ACAN: variants seen among roughly 807,000 people sequenced by gnomAD.
The protein encoded by ACAN is aggrecan, also known as aggrecan core protein.
In ACAN, 47 loss-of-function variants were observed where a neutral mutation model predicts 169.1. The ratio of observed to expected loss-of-function variants is 0.28; its 90% confidence interval spans 0.22 to 0.35. The LOEUF is 0.35. Among genes scored for constraint, ACAN ranks in the 10% least tolerant of loss-of-function variants. The pLI is 1.00. For synonymous variants in ACAN, 1,115 were observed against 1,112.2 expected, an observed-to-expected ratio of 1.00 and a Z score of -0.05; for missense variants, 2,716 against 2,759.9, an observed-to-expected ratio of 0.98 and a Z score of 0.36.
intron 1 of ACAN, among the ~76,000 whole-genome samples, chr15:88,826,802 T>A (rs1179162945): frequency 3.3e-5 from 5 of 152,190 alleles, no homozygotes; most frequent in African/African-American, 1.2e-4. Context: ...ATTTGTTACC[T>A]AGTATGTTGT....
intron 1 of ACAN, among the ~76,000 whole-genome samples, chr15:88,831,160 A>G (rs933192999): frequency 2.6e-5 from 4 of 152,242 alleles, no homozygotes; most frequent in South Asian, 2.1e-4. Context: ...AAAGAGATGC[A>G]TAAAATGGAC....
chr15:88,836,472 C>T (rs1021809746), intron 2 of ACAN, among the ~76,000 whole-genome samples, 196 bp downstream of exon 2: 1 of 152,222 alleles, frequency 6.6e-6, no homozygotes, highest in Non-Finnish European at 1.5e-5. Context: ...CACACTCTTG[C>T]AGGAGCCTTG....
intron 9 of ACAN, among the ~76,000 whole-genome samples, chr15:88,848,926 A>G (rs57788192): frequency 0.027 from 4,146 of 152,296 alleles, 196 homozygotes; most frequent in African/African-American, 0.095. Context: ...TCCTCCCCCT[A>G]AACCGGATAG....
Position 88,868,228 on chromosome 15 carries a change from G to A in ACAN, c.6959G>A (p.Cys2320Tyr), listed in dbSNP as rs1040062027. ...TGGTTTCTTGCAGACATTGATGAGT[G>A]CCTCTCAAGCCCTTGTCTGAATGGA... is the stretch of plus-strand genomic sequence containing the variant. ...GEHCNIDIDECLSSPCLNGAT... is the reference protein window; with the variant it reads ...GEHCNIDIDEYLSSPCLNGAT... Residue 2320 changes from cysteine (C) to tyrosine (Y), a missense_variant, in exon 14 of 19, where the codon TGC becomes TAC. Cys to Tyr is a radical substitution (Grantham distance 194). Around this residue, in one of 3 missense-constraint regions of ACAN, gnomAD observed 1,389 missense variants for 1,363.7 expected, o/e 1.02. Coordinates refer to ENST00000560601, the MANE Select transcript of ACAN (RefSeq NM_001369268.1). The surrounding 1 kb of genome is among the most constrained non-coding windows in gnomAD (Gnocchi z 5.2). 2.7e-5 allele frequency: 19 copies of A among 702,526 alleles called. No individual in the cohort carries two copies. Among genetic ancestry groups the A allele is most frequent in the Non-Finnish European group, 4.4e-5 (17 of 384,792 alleles). 43.5% of individuals were successfully genotyped at this position (702,526 alleles called of 1,614,324 possible). A position where few individuals can be genotyped will look rare whatever the true frequency, so the allele number is the denominator to read the frequency against.
Position 88,873,325 on chromosome 15 carries a change from G to T in ACAN, c.7447+300G>T, listed in dbSNP as rs1897427382. 6.6e-6 allele frequency among the ~76,000 whole-genome samples: 1 copy of T among 152,224 alleles called. No individual in the cohort carries two copies. Among genetic ancestry groups the T allele is most frequent in the African/African-American group, 2.4e-5 (1 of 41,460 alleles). On this transcript the variant is annotated intron_variant, in intron 17 of 18. Transcript: ENST00000560601. The surrounding 1 kb of genome is among the most constrained non-coding windows in gnomAD (Gnocchi z 7.5). ...ACTCCACACAGTCCCTTGGATAGCA[G>T]CAGCAGAGTTACCCACAAGGGCCCC...
chr15:88,839,880 G>C lies in ACAN; in HGVS notation c.455-132G>C. 9.6e-7 allele frequency: 1 copy of C among 1,038,630 alleles called. No homozygotes were observed. The highest frequency in any genetic ancestry group is 1.4e-6 in the Non-Finnish European group (1 of 713,500). 64.3% of individuals were successfully genotyped at this position (1,038,630 alleles called of 1,614,324 possible). On this transcript the variant is annotated intron_variant, in intron 3 of 18. Transcript: ENST00000560601. This position sits in a 1 kb window ranked among gnomAD's most constrained non-coding sequence, Gnocchi z 4.5. ...GATCACGTGCAAAGGTGTACAGGGA[G>C]TCATGCATCAGCCCAGACCAGCCAG...
intron 1 of ACAN, among the ~76,000 whole-genome samples, chr15:88,828,183 G>A (rs1473665996): frequency 2.0e-5 from 3 of 152,168 alleles, no homozygotes; most frequent in African/African-American, 7.2e-5. Context: ...GTGGGAATAG[G>A]TCAGACATAG....
In ACAN at chr15:88,868,430, C is replaced by A; in HGVS notation, c.7060+101C>A. Reference sequence around the variant, plus strand: ...AACAGGCTCCAGGCCCTGGCTGGGGCCCCCGAGGTTCATCTGGAGAGCCAT... The same window carrying A: ...AACAGGCTCCAGGCCCTGGCTGGGGACCCCGAGGTTCATCTGGAGAGCCAT... On this transcript the variant is annotated intron_variant, in intron 14 of 18. Coordinates refer to ENST00000560601, the MANE Select transcript of ACAN (RefSeq NM_001369268.1). This position sits in a 1 kb window ranked among gnomAD's most constrained non-coding sequence, Gnocchi z 5.2. The A allele has an allele frequency of 3.4e-6, 2 of 591,240 alleles. No individual in the cohort carries two copies. The highest frequency in any genetic ancestry group is 6.0e-6 in the Non-Finnish European group (2 of 330,754). 36.6% of individuals were successfully genotyped at this position (591,240 alleles called of 1,614,324 possible).
At position 88,849,841 on chromosome 15, in the gene ACAN, G is replaced by A. The variant is rs1896893032; in HGVS notation, c.2026+110G>A. 1.4e-6 allele frequency: 2 copies of A among 1,453,906 alleles called. No individual in the cohort carries two copies. The highest frequency in any genetic ancestry group is 2.4e-5 in the South Asian group (2 of 82,364). The allele number at this position is 1,453,906 out of a possible 1,614,324, so 90.1% of individuals were successfully genotyped here. A position where few individuals can be genotyped will look rare whatever the true frequency, so the allele number is the denominator to read the frequency against. ...ATCCCATCCATCAGAGCAAGAAAAT[G>A]TCAGTCCCTCTGGGGCAGAGCCAGC... On this transcript the variant is annotated intron_variant, in intron 10 of 18. Coordinates refer to ENST00000560601, the MANE Select transcript of ACAN (RefSeq NM_001369268.1). This position sits in a 1 kb window ranked among gnomAD's most constrained non-coding sequence, Gnocchi z 5.1.
At chr15:88,838,000 C>T (rs935709563) in intron 2 of ACAN, among the ~76,000 whole-genome samples, 2 of 150,358 alleles carry the variant, frequency 1.3e-5, no homozygotes, top group African/African-American at 4.9e-5. Flanking sequence ...TCTATTGACA[C>T]TCTCCATTAT....
intron 1 of ACAN, 142 bp downstream of exon 1, chr15:88,803,951 A>G (rs1895609335): frequency 6.6e-6 from 1 of 152,316 alleles, no homozygotes. Flanking sequence ...GGGGCGCAGC[A>G]CATCCACCGG....
At chr15:88,813,636 A>G (rs961686317) in intron 1 of ACAN, among the ~76,000 whole-genome samples, 1 of 152,238 alleles carries the variant, frequency 6.6e-6, no homozygotes, top group African/African-American at 2.4e-5. Flanking sequence ...CCTTATCACT[A>G]CTGGGCTACC....
rs1353578704 is a variant in ACAN at position 88,858,442 on chromosome 15, G to C, written c.5857G>C (p.Glu1953Gln). 6.2e-7 allele frequency: 1 copy of C among 1,613,716 alleles called. No homozygotes were observed. The highest frequency in any genetic ancestry group is 8.5e-7 in the Non-Finnish European group (1 of 1,179,900). ...TGTAACCCAGGCTCCAACAGCCCAA[G>C]AGGCAGGAGAAGGGCCTTCTGGCAT... ...ESVTQAPTAQ[E>Q]AGEGPSGILE... is the part of the protein sequence containing the mutation. The change falls in exon 12 of 19, where the codon GAG becomes CAG. Residue 1953 changes from glutamate to glutamine, a missense_variant. Physicochemically the swap from Glu to Gln is conservative, Grantham distance 29 (BLOSUM62 2). Coordinates refer to ENST00000560601, the MANE Select transcript of ACAN (RefSeq NM_001369268.1). This position sits in a 1 kb window ranked among gnomAD's most constrained non-coding sequence, Gnocchi z 4.0.
Position 88,860,539 on chromosome 15 carries a change from A to C in ACAN, c.6946+100A>C, listed in dbSNP as rs768893769. The C allele has an allele frequency of 3.8e-4, 342 of 908,516 alleles. 1 individual carries two copies. The highest frequency in any genetic ancestry group is 5.6e-4 in the Non-Finnish European group (322 of 579,732). 56.3% of individuals were successfully genotyped at this position (908,516 alleles called of 1,614,324 possible). On this transcript the variant is annotated intron_variant, in intron 13 of 18. Transcript: ENST00000560601. ...AGGTGGGAGGAGGCAACCAAGGTCC[A>C]CTGAGGCTCAGGCTGGGAAGGAGCT...
At chr15:88,848,333 C>T (rs563019036) in intron 9 of ACAN, among the ~76,000 whole-genome samples, 2 of 152,286 alleles carry the variant, frequency 1.3e-5, no homozygotes, top group South Asian at 2.1e-4. Context: ...TATAAATAAA[C>T]GCTATATACA....
In ACAN at chr15:88,872,946, G is replaced by A; in HGVS notation, c.7368G>A (p.Val2456=). ...NFFAAGEDCV[V]MIWHEKGEWN... is the part of the protein sequence containing the mutation. Reference sequence around the variant, plus strand: ...TTGCCGCTGGAGAGGACTGTGTGGTGATGATCTGGCACGAGAAGGGCGAGT... The same window carrying A: ...TTGCCGCTGGAGAGGACTGTGTGGTAATGATCTGGCACGAGAAGGGCGAGT... Residue 2456 remains valine (V), a synonymous_variant, in exon 17 of 19, where the codon GTG becomes GTA. Coordinates refer to ENST00000560601, the MANE Select transcript of ACAN (RefSeq NM_001369268.1). The surrounding 1 kb of genome is among the most constrained non-coding windows in gnomAD (Gnocchi z 5.4). 6.2e-7 allele frequency: 1 copy of A among 1,613,938 alleles called. No individual in the cohort carries two copies. Among genetic ancestry groups the A allele is most frequent in the South Asian group, 1.1e-5 (1 of 91,072 alleles).
intron 13 of ACAN, among the ~76,000 whole-genome samples, chr15:88,867,859 C>T (rs1348848898): frequency 6.6e-6 from 1 of 152,212 alleles, no homozygotes; most frequent in African/African-American, 2.4e-5. Flanking sequence ...TCCATGGTCT[C>T]TCAAAATATT....
Position 88,849,837 on chromosome 15 carries a change from A to G in ACAN, c.2026+106A>G. The G allele has an allele frequency of 6.8e-7, 1 of 1,464,290 alleles. No homozygotes were observed. Among genetic ancestry groups the G allele is most frequent in the Non-Finnish European group, 9.3e-7 (1 of 1,070,684 alleles). 90.7% of individuals were successfully genotyped at this position (1,464,290 alleles called of 1,614,324 possible). ...CAGTATCCCATCCATCAGAGCAAGAAAATGTCAGTCCCTCTGGGGCAGAGC... is the reference window on the plus strand; with the variant it reads ...CAGTATCCCATCCATCAGAGCAAGAGAATGTCAGTCCCTCTGGGGCAGAGC... On this transcript the variant is annotated intron_variant, in intron 10 of 18. Transcript: ENST00000560601. This position sits in a 1 kb window ranked among gnomAD's most constrained non-coding sequence, Gnocchi z 5.1.
chr15:88,819,761 A>G (rs1896028852), intron 1 of ACAN, among the ~76,000 whole-genome samples: 2 of 151,930 alleles, frequency 1.3e-5, no homozygotes, highest in South Asian at 2.1e-4. Context: ...GCAAGACCCT[A>G]TCTCTAAAAA....
Sources: gnomAD v4.1 joint callset for allele counts (sites outside exome capture counted in the v4.1 genomes callset) on GRCh38, gnomAD v4.1.1 for gene constraint, gnomAD v4.1.1 regional missense constraint, Gnocchi (gnomAD v3.1) non-coding constraint, MANE v1.5 for transcripts, NCBI Gene and HGNC (gene_info 2026-07-23, HGNC 2026-07-21) for gene names.